MLIP: variants seen among roughly 807,000 people sequenced by gnomAD.
MLIP encodes muscular LMNA-interacting protein.
In MLIP, 79 loss-of-function variants were observed where a neutral mutation model predicts 84.8. The ratio of observed to expected loss-of-function variants is 0.93; its 90% CI spans 0.78 to 1.12. MLIP has a LOEUF of 1.12. MLIP is among the 50% of genes most tolerant of loss of function. The pLI, the probability that MLIP is intolerant of heterozygous loss-of-function variation, is 0.00. For missense variants in MLIP, 1,257 were observed against 1,160.6 expected, an observed-to-expected ratio of 1.08 and a Z score of -1.21; for synonymous variants, 504 against 463.0, an observed-to-expected ratio of 1.09 and a Z score of -1.14.
At chr6:54,074,198 C>T (rs1278998420) in intron 1 of MLIP, among the ~76,000 whole-genome samples, 1 of 151,980 alleles carries the variant, frequency 6.6e-6, no homozygotes, top group East Asian at 1.9e-4. Context: ...CAGTATGTTC[C>T]TGTTGTGATA....
intron 10 of MLIP, among the ~76,000 whole-genome samples, chr6:54,190,969 G>A (rs1476542038): frequency 6.6e-6 from 1 of 151,614 alleles, no homozygotes; most frequent in Non-Finnish European, 1.5e-5. Context: ...CTAATTTTTT[G>A]TATTTTTAGT....
intron 4 of MLIP, among the ~76,000 whole-genome samples, chr6:54,143,318 A>G (rs1339151468): frequency 1.3e-5 from 2 of 151,132 alleles, no homozygotes; most frequent in African/African-American, 4.9e-5. Flanking sequence ...CCCAGGTTCA[A>G]TTGATTCTCC....
intron 12 of MLIP, among the ~76,000 whole-genome samples, chr6:54,240,024 G>A (rs1385688797): frequency 6.6e-6 from 1 of 152,122 alleles, no homozygotes; most frequent in Non-Finnish European, 1.5e-5. Flanking sequence ...TTGTAATGAG[G>A]CATCAGTTGC....
chr6:54,265,009 A>G (rs1209281017), intron 13 of MLIP, among the ~76,000 whole-genome samples: 1 of 152,116 alleles, frequency 6.6e-6, no homozygotes, highest in Non-Finnish European at 1.5e-5. Context: ...GCTCTAAGTC[A>G]CCACTGCTTC....
intron 11 of MLIP, chr6:54,215,308 G>C: frequency 7.2e-7 from 1 of 1,392,620 alleles, no homozygotes. Context: ...AAGAACATGG[G>C]CTCTTGTGAT....
chr6:54,246,096 T>C (rs755218988), intron 12 of MLIP, among the ~76,000 whole-genome samples: 21 of 152,168 alleles, frequency 1.4e-4, no homozygotes, highest in Non-Finnish European at 2.8e-4. Flanking sequence ...ATATGTTCCA[T>C]AAGTTCTGTG....
chr6:54,242,898 A>G (rs1454506950), intron 12 of MLIP, among the ~76,000 whole-genome samples: 1 of 152,192 alleles, frequency 6.6e-6, no homozygotes, highest in East Asian at 1.9e-4. Flanking sequence ...TTTTTGTTCC[A>G]ACATAAAGTC....
intron 11 of MLIP, chr6:54,217,273 T>C (rs2150760259): frequency 2.0e-6 from 2 of 985,402 alleles, no homozygotes; most frequent in East Asian, 1.1e-4. Context: ...GAAGTGACTT[T>C]AAAATGCCAG....
intron 8 of MLIP, 92 bp downstream of exon 8, chr6:54,160,891 G>C (rs553320757): frequency 9.6e-7 from 1 of 1,044,698 alleles, no homozygotes; most frequent in African/African-American, 1.6e-5. Flanking sequence ...AGTGAATTGA[G>C]AAATAAATTT....
intron 1 of MLIP, among the ~76,000 whole-genome samples, chr6:54,105,876 TG>T (rs1356040740): frequency 6.6e-6 from 1 of 151,982 alleles, no homozygotes; most frequent in African/African-American, 2.4e-5. Context: ...GAGTGGTAGG[TG>T]TAAGATCATT....
At chr6:54,206,060 C>G (rs2754809) in intron 11 of MLIP, among the ~76,000 whole-genome samples, 36,568 of 151,998 alleles carry the variant, frequency 0.24, 4,538 homozygotes, top group Non-Finnish European at 0.28. Flanking sequence ...GACATACAGG[C>G]TCAGAAAAGC....
In MLIP at chr6:54,111,538, C is replaced by T. The variant is rs1561939688; in HGVS notation, c.59C>T (p.Ser20Leu). 7.2e-6 allele frequency: 11 copies of T among 1,535,984 alleles called. No homozygotes were observed. The highest frequency in any genetic ancestry group is 1.4e-5 in the African/African-American group (1 of 73,128). Residue 20 changes from serine (S) to leucine (L), a missense_variant, in exon 1 of 14, where the codon TCG (serine) becomes TTG (leucine). Physicochemically the swap from Ser to Leu is moderately radical, Grantham distance 145. Coordinates refer to ENST00000502396, the MANE Select transcript of MLIP (RefSeq NM_001281747.2). ...DCGNNYFQMTSCILSGSIQTT... is the reference protein window; with the variant it reads ...DCGNNYFQMTLCILSGSIQTT... ...GGGAACAATTACTTCCAAATGACCTCGTGCATCTTATCAGGGAGCATTCAG... is the reference window on the plus strand; with the variant it reads ...GGGAACAATTACTTCCAAATGACCTTGTGCATCTTATCAGGGAGCATTCAG...
intron 1 of MLIP, chr6:54,083,528 C>T (rs937450517): frequency 4.0e-5 from 62 of 1,535,584 alleles, no homozygotes; most frequent in Non-Finnish European, 5.0e-5. Context: ...CTGACCTTGC[C>T]GTTACAACCA....
chr6:54,103,178 A>C (rs546363361), intron 1 of MLIP, among the ~76,000 whole-genome samples: 1 of 152,242 alleles, frequency 6.6e-6, no homozygotes, highest in South Asian at 2.1e-4. Context: ...TAAGCCCCTC[A>C]TCTTGTCCCA....
intron 9 of MLIP, among the ~76,000 whole-genome samples, chr6:54,177,717 T>C (rs1041722981): frequency 1.3e-5 from 2 of 152,166 alleles, no homozygotes; most frequent in Admixed American, 6.6e-5. Context: ...GGAATATAAG[T>C]CATTCTGTTA....
intron 12 of MLIP, among the ~76,000 whole-genome samples, chr6:54,252,129 TATA>T (rs1344144139): frequency 1.0e-5 from 1 of 97,568 alleles, no homozygotes; most frequent in Non-Finnish European, 1.7e-5. Flanking sequence ...TATTATAACA[TATA>T]ATATATAACT....
At chr6:54,134,242 A>G (rs553374170) in intron 3 of MLIP, among the ~76,000 whole-genome samples, 7 of 152,246 alleles carry the variant, frequency 4.6e-5, no homozygotes, top group African/African-American at 1.7e-4. Context: ...TTCTGCATAC[A>G]TATTTTCATG....
Position 54,212,626 on chromosome 6 carries a change from AT to A in MLIP, c.2718+10401del, listed in dbSNP as rs202221342. ...TGGATAGAGCAATTTTGGGTTGAGA[AT>A]TTTTTTTCCCCTTTCTTAAAAGTCA... is the stretch of plus-strand genomic sequence containing the variant. On this transcript the variant is annotated intron_variant, in intron 11 of 13. Coordinates refer to ENST00000502396, the MANE Select transcript of MLIP (RefSeq NM_001281747.2). Among the ~76,000 whole-genome samples the A allele has an allele frequency of 3.2e-4, 48 of 151,982 alleles. No individual in the cohort carries two copies. The East Asian group carries it at 8.7e-3, about 28-fold the overall frequency.
intron 12 of MLIP, among the ~76,000 whole-genome samples, chr6:54,242,824 G>C (rs1781827634): frequency 6.6e-6 from 1 of 152,108 alleles, no homozygotes; most frequent in South Asian, 2.1e-4. Context: ...AAGTGATTTG[G>C]TTCAAGGTTA....
Sources: allele counts gnomAD v4.1 joint callset (sites outside exome capture counted in the v4.1 genomes callset), GRCh38; gene constraint gnomAD v4.1.1; transcripts MANE v1.5; gene names NCBI Gene and HGNC (gene_info 2026-07-23, HGNC 2026-07-21).